The following CFAP44 variants were observed in gnomAD, a reference collection of about 807,000 sequenced individuals.
CFAP44 encodes the protein cilia and flagella associated protein 44, also known as cilia- and flagella-associated protein 44.
Under a neutral mutation model 216.2 loss-of-function variants are expected in CFAP44, and 134 were observed. That is an observed-to-expected ratio of 0.62 (90% CI 0.54 to 0.72). The LOEUF is 0.72. CFAP44 is among the 30% of genes least tolerant of loss of function. The pLI is 0.00. For synonymous variants in CFAP44, 700 were observed against 727.6 expected, an observed-to-expected ratio of 0.96 and a Z score of 0.61; for missense variants, 2,035 against 2,182.1, an observed-to-expected ratio of 0.93 and a Z score of 1.34.
At chr3:113,423,895 G>A (rs1934889544) in intron 4 of CFAP44, among the ~76,000 whole-genome samples, 1 of 152,182 alleles carries the variant, frequency 6.6e-6, no homozygotes, top group Non-Finnish European at 1.5e-5. Flanking sequence ...GAAAACGAAA[G>A]TGAGGTACAG....
intron 7 of CFAP44, among the ~76,000 whole-genome samples, chr3:113,408,290 C>G (rs570411898): frequency 1.4e-4 from 21 of 152,174 alleles, no homozygotes; most frequent in Admixed American, 1.2e-3. Flanking sequence ...CGGAAATAGA[C>G]GAGGGTATGA....
At chr3:113,301,035 A>G (rs1267930783) in intron 32 of CFAP44, among the ~76,000 whole-genome samples, 1 of 152,148 alleles carries the variant, frequency 6.6e-6, no homozygotes, top group South Asian at 2.1e-4. Context: ...TCTTGTAAAC[A>G]TATACCATGT....
At chr3:113,367,212 T>C (rs1932972069) in intron 18 of CFAP44, among the ~76,000 whole-genome samples, 1 of 152,158 alleles carries the variant, frequency 6.6e-6, no homozygotes. Flanking sequence ...GAGCAGTGGT[T>C]CTCCCAGCAC....
At chr3:113,307,546 T>C (rs547839911) in intron 29 of CFAP44, among the ~76,000 whole-genome samples, 18 of 152,386 alleles carry the variant, frequency 1.2e-4, no homozygotes, top group African/African-American at 4.3e-4. Flanking sequence ...TGACTTCTTA[T>C]ATTTATTGTC....
intron 4 of CFAP44, 99 bp from the exon 5 acceptor site, chr3:113,420,278 A>G: frequency 8.2e-7 from 1 of 1,223,474 alleles, no homozygotes; most frequent in Non-Finnish European, 1.1e-6. Flanking sequence ...TCTTAGATGA[A>G]GATGTGAGGT....
intron 22 of CFAP44, among the ~76,000 whole-genome samples, chr3:113,354,594 G>A (rs1234608885): frequency 6.6e-6 from 1 of 152,126 alleles, no homozygotes; most frequent in African/African-American, 2.4e-5. Context: ...CTATTGGACT[G>A]GGATCCACAC....
At chr3:113,366,488 T>C (rs1193204979) in intron 18 of CFAP44, among the ~76,000 whole-genome samples, 179 bp from the exon 19 acceptor site, 2 of 152,174 alleles carry the variant, frequency 1.3e-5, no homozygotes, top group African/African-American at 2.4e-5. Context: ...TGCATTGTGA[T>C]AGGGCTTTTA....
Position 113,363,288 on chromosome 3 carries a change from T to C in CFAP44, c.2791A>G (p.Lys931Glu), listed in dbSNP as rs1950558742. Residue 931 changes from lysine to glutamate, a missense_variant, in exon 21 of 35, where the codon AAA becomes GAA. This residue lies in a region of CFAP44 where 1,883 missense variants were observed against 2,023.7 expected (regional missense o/e 0.93). Coordinates refer to ENST00000393845, the MANE Select transcript of CFAP44 (RefSeq NM_001164496.2). ...TTCATTAACTTGTCATGTTCTCTTT[T>C]TCTCCTAGCATTCTCGATACTGAAA... ...KAYSIENARRKREHDKLMKEV... is the reference protein window; with the variant it reads ...KAYSIENARREREHDKLMKEV... 9 of 1,610,202 alleles carry C rather than the reference T, an allele frequency of 5.6e-6. No homozygotes were observed. Among genetic ancestry groups the C allele is most frequent in the Non-Finnish European group, 6.8e-6 (8 of 1,179,030 alleles).
chr3:113,409,445 G>T, intron 6 of CFAP44, 123 bp from the exon 7 acceptor site: 1 of 800,034 alleles, frequency 1.2e-6, no homozygotes, highest in Admixed American at 2.8e-5. Context: ...ATACCCTAAA[G>T]GAACAATTCC....
chr3:113,359,928 C>T (rs1559922750), intron 21 of CFAP44, among the ~76,000 whole-genome samples: 2 of 152,066 alleles, frequency 1.3e-5, no homozygotes, highest in African/African-American at 4.8e-5. Context: ...TGTAGATCAA[C>T]CGGGTACTGT....
Position 113,304,187 on chromosome 3 carries a change from AGAGGT to A in CFAP44, c.4876-75_4876-71del, listed in dbSNP as rs1949963916. ...ATTTTGTATGGCAACAGAAAGCATA[AGAGGT>A]GCACTTCCTTCTTTGCCCCTTGTTT... On this transcript the variant is annotated intron_variant, in intron 31 of 34. Coordinates refer to ENST00000393845, the MANE Select transcript of CFAP44 (RefSeq NM_001164496.2). 2.1e-5 allele frequency: 31 copies of A among 1,465,284 alleles called. No individual in the cohort carries two copies. The South Asian group carries it at 4.0e-4, about 19-fold the overall frequency. The allele number at this position is 1,465,284 out of a possible 1,614,324, so 90.8% of individuals were successfully genotyped here.
intron 18 of CFAP44, among the ~76,000 whole-genome samples, chr3:113,369,476 C>T (rs1933074985): frequency 6.6e-6 from 1 of 152,194 alleles, no homozygotes; most frequent in Non-Finnish European, 1.5e-5. Flanking sequence ...TCCTGAATGA[C>T]TACTGGGTAA....
At chr3:113,360,075 T>A in intron 21 of CFAP44, among the ~76,000 whole-genome samples, 1 of 151,244 alleles carries the variant, frequency 6.6e-6, no homozygotes, top group Non-Finnish European at 1.5e-5. Context: ...TCTTATCTTG[T>A]TACCAAAAAA....
Position 113,333,450 on chromosome 3 carries a change from T to G in CFAP44, c.3571A>C (p.Asn1191His), listed in dbSNP as rs1351949853. ...DYKIPEHMRI[N>H]AAKKEEELGH... is the part of the protein sequence containing the mutation. ...AGTTCCTCTTCCTTCTTGGCAGCAT[T>G]TATTCTCATGTGCTCAGGTATCTTG... Residue 1191 changes from asparagine (N) to histidine (H), a missense_variant, in exon 25 of 35, where the codon AAT becomes CAT. This residue lies in a region of CFAP44 where 1,883 missense variants were observed against 2,023.7 expected (regional missense o/e 0.93). Transcript: ENST00000393845. 1.3e-6 allele frequency: 2 copies of G among 1,536,980 alleles called. No individual in the cohort carries two copies. Among genetic ancestry groups the G allele is most frequent in the East Asian group, 4.9e-5 (2 of 40,910 alleles).
intron 22 of CFAP44, among the ~76,000 whole-genome samples, chr3:113,346,052 G>A (rs1950378437): frequency 6.6e-6 from 1 of 152,236 alleles, no homozygotes; most frequent in Admixed American, 6.5e-5. Flanking sequence ...TTCCTGGGTT[G>A]AGTGGGGACT....
chr3:113,328,696 TAAAAAAAAAAAAA>T (rs58650082), intron 26 of CFAP44, among the ~76,000 whole-genome samples: 20 of 28,568 alleles, frequency 7.0e-4, no homozygotes, highest in Admixed American at 1.6e-3. Context: ...TTAGAGAGCT[TAAAAAAAAAAAAA>T]AAAAAAAAAA....
chr3:113,357,671 T>C (rs1298299581), intron 22 of CFAP44, among the ~76,000 whole-genome samples: 1 of 152,190 alleles, frequency 6.6e-6, no homozygotes, highest in Non-Finnish European at 1.5e-5. Flanking sequence ...TAGTACTTTT[T>C]TACAGTAGCC....
At chr3:113,421,284 A>G (rs376375459) in intron 4 of CFAP44, among the ~76,000 whole-genome samples, 1 of 152,214 alleles carries the variant, frequency 6.6e-6, no homozygotes, top group African/African-American at 2.4e-5. Context: ...TCAAAACCAC[A>G]ATGAGATACC....
intron 4 of CFAP44, among the ~76,000 whole-genome samples, chr3:113,423,138 G>A (rs912799365): frequency 3.3e-5 from 4 of 119,616 alleles, no homozygotes; most frequent in African/African-American, 9.4e-5. Context: ...TTTGTGAGAT[G>A]GGGTCTCACT....
Sources: allele counts gnomAD v4.1 joint callset (sites outside exome capture counted in the v4.1 genomes callset), GRCh38; gene constraint gnomAD v4.1.1; regional missense constraint gnomAD v4.1.1; transcripts MANE v1.5; gene names NCBI Gene and HGNC (gene_info 2026-07-23, HGNC 2026-07-21).